BPIFC: variants seen among roughly 807,000 people sequenced by gnomAD.
BPIFC encodes BPI fold-containing family C protein.
In BPIFC, 60 loss-of-function variants were observed where a neutral mutation model predicts 57.6. That is an observed-to-expected ratio of 1.04 (90% CI 0.85 to 1.29). The LOEUF (loss-of-function observed/expected upper bound fraction) is 1.29. Ranked by LOEUF, BPIFC falls within the 50% of genes most tolerant of loss-of-function variation. The pLI is 0.00. For synonymous variants in BPIFC, 243 were observed against 224.5 expected, an observed-to-expected ratio of 1.08 and a Z score of -0.74; for missense variants, 581 against 600.5, an observed-to-expected ratio of 0.97 and a Z score of 0.34.
At chr22:32,431,240 A>C (rs1934231835) in intron 13 of BPIFC, 107 bp downstream of exon 13, 2 of 938,882 alleles carry the variant, frequency 2.1e-6, no homozygotes, top group Non-Finnish European at 3.2e-6. Context: ...CAGCCTCCTG[A>C]GTAGCTGAGA....
intron 8 of BPIFC, among the ~76,000 whole-genome samples, chr22:32,438,804 A>T (rs1248909265): frequency 6.7e-6 from 1 of 148,830 alleles, no homozygotes; most frequent in Admixed American, 6.6e-5. Context: ...GATGTTATAA[A>T]TTGCAGTTAG....
chr22:32,434,305 TTA>T (rs1934330837), intron 10 of BPIFC, among the ~76,000 whole-genome samples: 1 of 148,160 alleles, frequency 6.7e-6, no homozygotes, highest in Admixed American at 6.7e-5. Flanking sequence ...TACATAGTCT[TTA>T]TATATATATT....
At chr22:32,425,764 G>A (rs1398631237) in intron 13 of BPIFC, among the ~76,000 whole-genome samples, 2 of 152,100 alleles carry the variant, frequency 1.3e-5, no homozygotes, top group African/African-American at 4.8e-5. Flanking sequence ...TAAATGAATG[G>A]TCCTGGAGGT....
At chr22:32,418,957 A>G (rs1390621679) in intron 14 of BPIFC, among the ~76,000 whole-genome samples, 3 of 152,134 alleles carry the variant, frequency 2.0e-5, no homozygotes, top group Non-Finnish European at 1.5e-5. Context: ...AGATGGGCAG[A>G]AAGTGTTCAA....
intron 2 of BPIFC, among the ~76,000 whole-genome samples, chr22:32,458,850 C>T (rs879851332): frequency 2.0e-5 from 3 of 152,200 alleles, no homozygotes; most frequent in Admixed American, 6.5e-5. Flanking sequence ...AGGCACACAA[C>T]AGATTTTTGA....
intron 2 of BPIFC, 117 bp downstream of exon 2, chr22:32,461,457 G>T: frequency 7.1e-6 from 3 of 425,478 alleles, no homozygotes; most frequent in Non-Finnish European, 9.4e-6. Flanking sequence ...CAAGCAATGA[G>T]TGATCTGAAG....
At position 32,447,781 on chromosome 22, in the gene BPIFC, A is replaced by AT. The variant is rs898344364; in HGVS notation, c.246-442dup. Among the ~76,000 whole-genome samples, 9 of 150,766 alleles carry AT rather than the reference A, an allele frequency of 6.0e-5. No homozygotes were observed. In the South Asian group the frequency reaches 6.3e-4, roughly 11 times the overall value. ...CCATCACACTTGGCTAATATTTTTT[A>AT]TTTTTTTTGTAGAGGCAGGATCTCA... On this transcript the variant is annotated intron_variant, in intron 4 of 16. Transcript: ENST00000300399.
At position 32,424,884 on chromosome 22, in the gene BPIFC, C is replaced by T. The variant is rs1490946477; in HGVS notation, c.1218-5480G>A. ...GCAACCTCCGCTTCCTGCATTCAAGCGATTCTCCTGCCTCAGCCTCCAGAG... is the reference window on the plus strand; with the variant it reads ...GCAACCTCCGCTTCCTGCATTCAAGTGATTCTCCTGCCTCAGCCTCCAGAG... On this transcript the variant is annotated intron_variant, in intron 13 of 16. Transcript: ENST00000300399. Among the ~76,000 whole-genome samples, 18 of 150,686 alleles carry T rather than the reference C, an allele frequency of 1.2e-4. No individual in the cohort carries two copies. In the East Asian group the frequency reaches 3.3e-3, roughly 28 times the overall value.
At chr22:32,423,822 G>A (rs1933918650) in intron 13 of BPIFC, among the ~76,000 whole-genome samples, 1 of 151,986 alleles carries the variant, frequency 6.6e-6, no homozygotes, top group South Asian at 2.1e-4. Flanking sequence ...ATTTAACTTG[G>A]CCTCTGAAGT....
At chr22:32,428,254 TGTGTGTGTGTGTGTGCGCGCGC>T (rs1001426521) in intron 13 of BPIFC, among the ~76,000 whole-genome samples, 44 of 101,396 alleles carry the variant, frequency 4.3e-4, no homozygotes, top group Admixed American at 3.0e-3. Context: ...TTAAAACGTG[TGTGTGTGTGTGTGTGCGCGCGC>T]GTGTGTGTGT....
chr22:32,443,365 G>A (rs371769585), intron 7 of BPIFC, among the ~76,000 whole-genome samples: 8 of 151,952 alleles, frequency 5.3e-5, no homozygotes, highest in Non-Finnish European at 7.4e-5. Flanking sequence ...GGGTTTCACC[G>A]TGTTAGCCAG....
intron 4 of BPIFC, among the ~76,000 whole-genome samples, chr22:32,449,740 T>C (rs1986168): frequency 0.056 from 8,421 of 151,366 alleles, 246 homozygotes; most frequent in Non-Finnish European, 0.064. Flanking sequence ...GTACTTCTCT[T>C]TTTTTCTTTT....
At chr22:32,414,515 T>A (rs928998662) in intron 16 of BPIFC, 90 bp from the exon 17 acceptor site, 7 of 1,468,152 alleles carry the variant, frequency 4.8e-6, no homozygotes, top group African/African-American at 1.4e-5. Flanking sequence ...TTCTTTTTTT[T>A]ATTATTTTAA....
At chr22:32,440,303 TA>T (rs60994618) in intron 8 of BPIFC, among the ~76,000 whole-genome samples, 48,327 of 151,694 alleles carry the variant, frequency 0.32, 8,444 homozygotes, top group South Asian at 0.42. Context: ...CCTGGCTAAT[TA>T]AAAAAAAATT....
chr22:32,427,790 C>A (rs1934108986), intron 13 of BPIFC, among the ~76,000 whole-genome samples: 1 of 152,136 alleles, frequency 6.6e-6, no homozygotes, highest in African/African-American at 2.4e-5. Context: ...AGATCAAGAC[C>A]ATCCTGGCCA....
At chr22:32,419,506 A>T (rs766891618) in intron 13 of BPIFC, 102 bp from the exon 14 acceptor site, 25 of 1,130,586 alleles carry the variant, frequency 2.2e-5, no homozygotes, top group Admixed American at 4.4e-5. Flanking sequence ...GTCACTATTT[A>T]AAAAAAAACA....
At chr22:32,439,117 G>A (rs1934491396) in intron 8 of BPIFC, among the ~76,000 whole-genome samples, 1 of 152,044 alleles carries the variant, frequency 6.6e-6, no homozygotes, top group Non-Finnish European at 1.5e-5. Flanking sequence ...CCTGAGGTCA[G>A]GAGTTTGAGA....
chr22:32,452,307 C>T (rs78752928), intron 4 of BPIFC, among the ~76,000 whole-genome samples: 299 of 152,308 alleles, frequency 2.0e-3, no homozygotes, highest in Middle Eastern at 6.8e-3. Flanking sequence ...CAGAAACTTT[C>T]CCTAAGTCAC....
Position 32,461,668 on chromosome 22 carries a change from A to C in BPIFC, c.-88-7T>G. On this transcript the variant is annotated splice_polypyrimidine_tract_variant and splice_region_variant and intron_variant, in intron 1 of 16. Coordinates refer to ENST00000300399, the MANE Select transcript of BPIFC (RefSeq NM_174932.3). ...GGAGGTTAGTCAAGGTGTCCTGGAAAGGGGGATAAGTAGAGATGAACTATG... is the reference window on the plus strand; with the variant it reads ...GGAGGTTAGTCAAGGTGTCCTGGAACGGGGGATAAGTAGAGATGAACTATG... The C allele has an allele frequency of 2.0e-6, 2 of 985,094 alleles. No individual in the cohort carries two copies. The highest frequency in any genetic ancestry group is 2.4e-6 in the Non-Finnish European group (2 of 829,642). The allele number at this position is 985,094 out of a possible 1,614,324, so 61.0% of individuals were successfully genotyped here.
Sources: gnomAD v4.1 joint callset for allele counts (sites outside exome capture counted in the v4.1 genomes callset) on GRCh38, gnomAD v4.1.1 for gene constraint, MANE v1.5 for transcripts, NCBI Gene and HGNC (gene_info 2026-07-23, HGNC 2026-07-21) for gene names.